Variants in DENND1A observed in about 807,000 individuals in gnomAD.
The protein encoded by DENND1A is DENN domain-containing protein 1A.
Under a neutral mutation model 113.7 loss-of-function variants are expected in DENND1A, and 51 were observed. The ratio of observed to expected loss-of-function variants is 0.45; its 90% confidence interval spans 0.36 to 0.57. The LOEUF is 0.57. Among genes scored for constraint, DENND1A ranks in the 20% least tolerant of loss-of-function variants. The pLI, the probability that DENND1A is intolerant of heterozygous loss-of-function variation, is 0.00. For missense variants in DENND1A, 1,258 were observed against 1,395.9 expected (o/e 0.90, Z 1.57); for synonymous variants, 565 against 570.8 (o/e 0.99, Z 0.14).
intron 12 of DENND1A, among the ~76,000 whole-genome samples, chr9:123,562,675 CAT>C (rs1455110607): frequency 3.9e-5 from 6 of 152,126 alleles, no homozygotes; most frequent in African/African-American, 1.4e-4. Context: ...TATAAAAAAG[CAT>C]ATGTTACTTT....
intron 23 of DENND1A, 33 bp from the exon 24 acceptor site, chr9:123,382,658 C>T (rs763183808): frequency 2.4e-5 from 38 of 1,609,160 alleles, no homozygotes; most frequent in Admixed American, 1.8e-4. Flanking sequence ...GCAGTGACCA[C>T]GGGCTGAGTT....
chr9:123,649,683 A>T (rs1435518703), intron 9 of DENND1A, among the ~76,000 whole-genome samples: 2 of 152,182 alleles, frequency 1.3e-5, no homozygotes, highest in African/African-American at 4.8e-5. Context: ...ATTTTGCCTT[A>T]GTTTTCAAAT....
At chr9:123,886,702 A>T (rs1454101018) in intron 1 of DENND1A, among the ~76,000 whole-genome samples, 1 of 152,222 alleles carries the variant, frequency 6.6e-6, no homozygotes. Flanking sequence ...TCTGAAATTA[A>T]AGCCTTTTTT....
At chr9:123,832,025 T>C (rs1840303413) in intron 2 of DENND1A, among the ~76,000 whole-genome samples, 1 of 152,190 alleles carries the variant, frequency 6.6e-6, no homozygotes. Context: ...GATGGACATG[T>C]TGATTCACTT....
intron 13 of DENND1A, among the ~76,000 whole-genome samples, chr9:123,544,138 A>G (rs894712380): frequency 2.0e-5 from 3 of 152,224 alleles, no homozygotes; most frequent in African/African-American, 7.2e-5. Context: ...ATCAACTGAA[A>G]AACAACCAAC....
At chr9:123,625,164 G>C (rs1384273412) in intron 10 of DENND1A, among the ~76,000 whole-genome samples, 1 of 152,050 alleles carries the variant, frequency 6.6e-6, no homozygotes, top group Admixed American at 6.5e-5. Flanking sequence ...TTTGATCATA[G>C]AGTATAATAC....
chr9:123,663,276 C>T (rs988006126), intron 8 of DENND1A, among the ~76,000 whole-genome samples: 6 of 152,180 alleles, frequency 3.9e-5, no homozygotes, highest in Non-Finnish European at 7.4e-5. Flanking sequence ...ACAACACACA[C>T]AGGCCACATC....
At chr9:123,820,381 G>A (rs1485630248) in intron 2 of DENND1A, among the ~76,000 whole-genome samples, 1 of 152,272 alleles carries the variant, frequency 6.6e-6, no homozygotes, top group African/African-American at 2.4e-5. Context: ...ATCCTTTTAG[G>A]GTCTGGCTGC....
intron 12 of DENND1A, among the ~76,000 whole-genome samples, chr9:123,561,737 G>A (rs1348487339): frequency 6.6e-6 from 1 of 152,040 alleles, no homozygotes; most frequent in Non-Finnish European, 1.5e-5. Context: ...AAGGAAAGAG[G>A]GGGCAAAACT....
At chr9:123,814,832 TA>T (rs1193973652) in intron 2 of DENND1A, among the ~76,000 whole-genome samples, 1 of 152,156 alleles carries the variant, frequency 6.6e-6, no homozygotes, top group Non-Finnish European at 1.5e-5. Context: ...TGACGCTACC[TA>T]AAAAATACTT....
intron 9 of DENND1A, among the ~76,000 whole-genome samples, chr9:123,643,464 A>G (rs957426371): frequency 3.3e-5 from 5 of 152,232 alleles, no homozygotes; most frequent in African/African-American, 1.2e-4. Flanking sequence ...TAGTTGTCCA[A>G]ATTTCTTTCA....
At chr9:123,557,769 A>G in intron 12 of DENND1A, 74 bp from the exon 13 acceptor site, 1 of 1,544,324 alleles carries the variant, frequency 6.5e-7, no homozygotes, top group African/African-American at 1.4e-5. Context: ...CCCACTACAT[A>G]TGGAGCCCTG....
chr9:123,929,579 A>T (rs1027258579), intron 1 of DENND1A, among the ~76,000 whole-genome samples: 3 of 151,984 alleles, frequency 2.0e-5, no homozygotes, highest in African/African-American at 7.2e-5. Context: ...CCCCTTCCCC[A>T]CAGTTGAAGG....
In DENND1A at chr9:123,555,227, C is replaced by T. The variant is rs183554840; in HGVS notation, c.993+2343G>A. ...TCTCTTCTGAGTTCCCATAACACTC[C>T]TCTAACTGGTTTCTCTGCCTCCAGC... On this transcript the variant is annotated intron_variant, in intron 13 of 23. Coordinates refer to ENST00000394215, the MANE Select transcript of DENND1A (RefSeq NM_001352964.2). Among the ~76,000 whole-genome samples, 3 of 152,316 alleles carry T rather than the reference C, an allele frequency of 2.0e-5. No individual in the cohort carries two copies. The East Asian group carries it at 5.8e-4, about 29-fold the overall frequency.
At chr9:123,587,362 C>T (rs1443080819) in intron 11 of DENND1A, among the ~76,000 whole-genome samples, 1 of 152,152 alleles carries the variant, frequency 6.6e-6, no homozygotes, top group Non-Finnish European at 1.5e-5. Flanking sequence ...CTTTCCGTAA[C>T]CTATGATTAG....
chr9:123,389,087 G>A (rs1004906868), intron 21 of DENND1A, among the ~76,000 whole-genome samples: 1 of 152,222 alleles, frequency 6.6e-6, no homozygotes, highest in Non-Finnish European at 1.5e-5. Flanking sequence ...AAAGGGCAAC[G>A]TGTCCAAAAA....
At chr9:123,633,810 C>T (rs915487768) in intron 9 of DENND1A, among the ~76,000 whole-genome samples, 1 of 152,086 alleles carries the variant, frequency 6.6e-6, no homozygotes, top group African/African-American at 2.4e-5. Context: ...ATGTCTAAAA[C>T]AAAAACAGCA....
chr9:123,587,063 A>AG (rs1418220887), intron 11 of DENND1A, among the ~76,000 whole-genome samples: 6 of 151,716 alleles, frequency 4.0e-5, no homozygotes, highest in Admixed American at 2.0e-4. Flanking sequence ...AGCTGGGTCC[A>AG]GGGGGGTCAC....
At chr9:123,910,894 G>C (rs1040604904) in intron 1 of DENND1A, among the ~76,000 whole-genome samples, 1 of 152,192 alleles carries the variant, frequency 6.6e-6, no homozygotes, top group African/African-American at 2.4e-5. Flanking sequence ...AGTGAGCCTA[G>C]ATGAAGCCAT....
Sources: gnomAD v4.1 joint callset for allele counts (sites outside exome capture counted in the v4.1 genomes callset) on GRCh38, gnomAD v4.1.1 for gene constraint, MANE v1.5 for transcripts, NCBI Gene and HGNC (gene_info 2026-07-23, HGNC 2026-07-21) for gene names.